VPS13B: variants seen among roughly 807,000 people sequenced by gnomAD.
VPS13B encodes intermembrane lipid transfer protein VPS13B.
In VPS13B, 285 loss-of-function variants were observed where a neutral mutation model predicts 426.4. The ratio of observed to expected loss-of-function variants is 0.67; its 90% confidence interval spans 0.61 to 0.74. The LOEUF (loss-of-function observed/expected upper bound fraction) is 0.74. Among genes scored for constraint, VPS13B ranks in the 30% least tolerant of loss-of-function variants. VPS13B has a pLI of 0.00. For synonymous variants in VPS13B, 1,676 were observed against 1,676.4 expected (o/e 1.00, Z 0.01); for missense variants, 4,537 against 4,782.6 (o/e 0.95, Z 1.51).
At position 99,697,558 on chromosome 8, in the gene VPS13B, CG is replaced by C. The variant is rs1220653525; in HGVS notation, c.6047-1966del. ...TGAAGGAGGACGTGCAGGACTACAG[CG>C]AGAACATGCAAGAGATCAAGAAGGA... On this transcript the variant is annotated intron_variant, in intron 35 of 61. Coordinates refer to ENST00000357162, the MANE Select transcript of VPS13B (RefSeq NM_152564.5). The C allele has an allele frequency of 8.6e-6, 6 of 698,430 alleles. No individual in the cohort carries two copies. In the East Asian group the frequency reaches 1.5e-4, roughly 17 times the overall value. The allele number at this position is 698,430 out of a possible 1,614,324, so 43.3% of individuals were successfully genotyped here. A position where few individuals can be genotyped will look rare whatever the true frequency, so the allele number is the denominator to read the frequency against.
At chr8:99,344,105 A>C (rs890346140) in intron 19 of VPS13B, among the ~76,000 whole-genome samples, 13 of 152,220 alleles carry the variant, frequency 8.5e-5, no homozygotes, top group African/African-American at 3.1e-4. Flanking sequence ...TGGTATAAAA[A>C]CAAATACATT....
intron 15 of VPS13B, among the ~76,000 whole-genome samples, chr8:99,164,947 G>A: frequency 6.6e-6 from 1 of 151,980 alleles, no homozygotes; most frequent in East Asian, 1.9e-4. Flanking sequence ...TTCCCGTTTT[G>A]ATGGCTTTGT....
chr8:99,378,648 AGCAGGTCCTTC>A (rs1813627977), intron 19 of VPS13B, among the ~76,000 whole-genome samples: 1 of 152,324 alleles, frequency 6.6e-6, no homozygotes, highest in South Asian at 2.1e-4. Context: ...TCAGGGTTTC[AGCAGGTCCTTC>A]CATTTGGGGT....
intron 17 of VPS13B, among the ~76,000 whole-genome samples, chr8:99,225,539 T>TA (rs2132841331): frequency 6.6e-6 from 1 of 152,298 alleles, no homozygotes; most frequent in South Asian, 2.1e-4. Context: ...GCCTAACTGT[T>TA]ATTTTCTAAT....
Position 99,641,341 on chromosome 8 carries a change from CA to C in VPS13B, c.5221-465del, listed in dbSNP as rs201628993. 6.1e-3 allele frequency among the ~76,000 whole-genome samples: 933 copies of C among 152,122 alleles called. 6 individuals are homozygous for C. Among genetic ancestry groups the C allele is most frequent in the African/African-American group, 0.021 (875 of 41,498 alleles). Reference sequence around the variant, plus strand: ...ACTGATTTTTCCCTTTCTTACTGTCCAAAAACCTATAAATCAGTTTTATAAG... The same window carrying C: ...ACTGATTTTTCCCTTTCTTACTGTCCAAAACCTATAAATCAGTTTTATAAG... On this transcript the variant is annotated intron_variant, in intron 33 of 61. Transcript: ENST00000357162.
At chr8:99,046,126 T>G (rs1843231833) in intron 3 of VPS13B, among the ~76,000 whole-genome samples, 1 of 152,174 alleles carries the variant, frequency 6.6e-6, no homozygotes, top group Non-Finnish European at 1.5e-5. Flanking sequence ...ATTTGTAGAT[T>G]GCTTTTGGCA....
intron 33 of VPS13B, among the ~76,000 whole-genome samples, chr8:99,625,803 G>A (rs145935811): frequency 2.3e-4 from 35 of 152,204 alleles, no homozygotes; most frequent in South Asian, 1.2e-3. Flanking sequence ...CTATGGTCAC[G>A]CCACTGTACT....
chr8:99,058,436 T>C (rs1844002075), intron 3 of VPS13B, among the ~76,000 whole-genome samples: 1 of 151,654 alleles, frequency 6.6e-6, no homozygotes, highest in Non-Finnish European at 1.5e-5. Flanking sequence ...ATAAAATATA[T>C]AAACATATAT....
chr8:99,125,953 A>G lies in VPS13B; in HGVS notation c.1206+4508A>G, dbSNP rs544571372. ...CTTTTTTTTTTTTAAAGATGCAGGT[A>G]ATTACAGCATGTTTGTTTGGTGATA... On this transcript the variant is annotated intron_variant, in intron 8 of 61. Transcript: ENST00000357162. Among the ~76,000 whole-genome samples, 4 of 151,978 alleles carry G rather than the reference A, an allele frequency of 2.6e-5. No individual in the cohort carries two copies. The South Asian group carries it at 8.3e-4, about 32-fold the overall frequency.
chr8:99,644,441 C>A (rs1829495342), intron 34 of VPS13B, among the ~76,000 whole-genome samples: 1 of 152,076 alleles, frequency 6.6e-6, no homozygotes, highest in Non-Finnish European at 1.5e-5. Flanking sequence ...GAATTATAAT[C>A]AATTCCTAGG....
rs1813992821 is a variant in VPS13B at position 99,384,234 on chromosome 8, G to A, written c.2851G>A (p.Gly951Arg). 5.0e-6 allele frequency: 8 copies of A among 1,613,906 alleles called. No homozygotes were observed. Among genetic ancestry groups the A allele is most frequent in the Non-Finnish European group, 6.8e-6 (8 of 1,179,920 alleles). ...TGCTGTACTTCTTTGCAGTATACAAGGACTAGCAGTTAATATTGACCCAAT... is the reference window on the plus strand; with the variant it reads ...TGCTGTACTTCTTTGCAGTATACAAAGACTAGCAGTTAATATTGACCCAAT... ...SGAVLLCSIQ[G>R]LAVNIDPILY... Residue 951 changes from glycine (G) to arginine (R), a missense_variant, in exon 20 of 62, where the codon GGA becomes AGA. Around this residue, in one of 2 missense-constraint regions of VPS13B, gnomAD observed 4,311 missense variants for 4,474.3 expected, o/e 0.96. Coordinates refer to ENST00000357162, the MANE Select transcript of VPS13B (RefSeq NM_152564.5).
rs556363921 is a variant in VPS13B, at chr8:99,032,029, T to C, written c.148-6394T>C. 3.3e-5 allele frequency among the ~76,000 whole-genome samples: 5 copies of C among 152,376 alleles called. 1 individual carries two copies. Among genetic ancestry groups the C allele is most frequent in the Admixed American group, 3.3e-4 (5 of 15,304 alleles). On this transcript the variant is annotated intron_variant, in intron 2 of 61. Coordinates refer to ENST00000357162, the MANE Select transcript of VPS13B (RefSeq NM_152564.5). ...CTGGACTCAGGGCTTGTGAGGACTG[T>C]GGAACTGCCCTGTAGCTTGGATTGC...
At position 99,353,055 on chromosome 8, in the gene VPS13B, C is replaced by T. The variant is rs540135314; in HGVS notation, c.2825-31153C>T. Among the ~76,000 whole-genome samples the T allele has an allele frequency of 2.0e-5, 3 of 151,994 alleles. No individual in the cohort carries two copies. The East Asian group carries it at 5.9e-4, about 30-fold the overall frequency. On this transcript the variant is annotated intron_variant, in intron 19 of 61. Coordinates refer to ENST00000357162, the MANE Select transcript of VPS13B (RefSeq NM_152564.5). ...GGAGTGCAGTGTCACAATCTTGGCT[C>T]ACTGCAACCTCCGCCTCCTAGATTC...
chr8:99,525,693 G>A (rs190078944), intron 30 of VPS13B, among the ~76,000 whole-genome samples: 7 of 152,152 alleles, frequency 4.6e-5, no homozygotes, highest in Admixed American at 3.9e-4. Flanking sequence ...TGCTCTCACA[G>A]AACTTACATT....
rs750031406 is a variant in VPS13B at position 99,875,700 on chromosome 8, A to ATTTAG, written c.*38_*42dup. On this transcript the variant is annotated 3_prime_UTR_variant, in exon 62 of 62. Coordinates refer to ENST00000357162, the MANE Select transcript of VPS13B (RefSeq NM_152564.5). ...TGAGGTGTTTATTCCTGCTTGTGTG[A>ATTTAG]TTTAGTTTTTGGGTTTCTTTGAGAC... 6.2e-7 allele frequency: 1 copy of ATTTAG among 1,612,938 alleles called. No individual in the cohort carries two copies. Among genetic ancestry groups the ATTTAG allele is most frequent in the South Asian group, 1.1e-5 (1 of 91,052 alleles).
At chr8:99,270,129 A>ATTTTTTTTTTTTTTTTTTT (rs1370378172) in intron 17 of VPS13B, among the ~76,000 whole-genome samples, 2 of 16,834 alleles carry the variant, frequency 1.2e-4, no homozygotes, top group Non-Finnish European at 1.5e-4. Context: ...AGATATAAGA[A>ATTTTTTTTTTTTTTTTTTT]TCTTTTTTTT....
chr8:99,177,278 A>C (rs1450680307), intron 16 of VPS13B, among the ~76,000 whole-genome samples: 1 of 152,116 alleles, frequency 6.6e-6, no homozygotes, highest in African/African-American at 2.4e-5. Flanking sequence ...ATTTGAAATA[A>C]ATTTCTTGGA....
At chr8:99,839,270 G>C (rs1475581100) in intron 54 of VPS13B, among the ~76,000 whole-genome samples, 1 of 152,156 alleles carries the variant, frequency 6.6e-6, no homozygotes, top group African/African-American at 2.4e-5. Context: ...ATTGTTTTGT[G>C]GGGAGGAGAG....
intron 3 of VPS13B, among the ~76,000 whole-genome samples, chr8:99,045,177 AG>A (rs1843171411): frequency 2.0e-5 from 3 of 152,216 alleles, no homozygotes; most frequent in African/African-American, 7.2e-5. Context: ...CCAGCAGTGT[AG>A]AAGTGTTCCT....
Sources: allele counts gnomAD v4.1 joint callset (sites outside exome capture counted in the v4.1 genomes callset), GRCh38; gene constraint gnomAD v4.1.1; regional missense constraint gnomAD v4.1.1; transcripts MANE v1.5; gene names NCBI Gene and HGNC (gene_info 2026-07-23, HGNC 2026-07-21).